Variants in KLHDC8A observed in about 807,000 individuals in gnomAD.
The protein encoded by KLHDC8A is kelch domain-containing protein 8A.
A neutral mutation model predicts 33.1 loss-of-function variants in KLHDC8A; 21 were observed. That is an observed-to-expected ratio of 0.64 (90% CI 0.45 to 0.91). The LOEUF (loss-of-function observed/expected upper bound fraction) is 0.91, where lower values mean the gene tolerates loss of function less well. Ranked by LOEUF, KLHDC8A falls within the 40% of genes least tolerant of loss-of-function variation. The pLI is 0.00. For missense variants in KLHDC8A, 435 were observed against 483.3 expected, an observed-to-expected ratio of 0.90 and a Z score of 0.94; for synonymous variants, 173 against 193.5, an observed-to-expected ratio of 0.89 and a Z score of 0.88.
chr1:205,353,628 C>T (rs188367801), intron 1 of KLHDC8A, among the ~76,000 whole-genome samples: 1 of 152,284 alleles, frequency 6.6e-6, no homozygotes, highest in African/African-American at 2.4e-5. Context: ...CTCCCGGGCC[C>T]AATCAATCCT....
rs1174668967 is a variant in KLHDC8A at position 205,337,427 on chromosome 1, A to G, written c.1025T>C (p.Val342Ala). 1.9e-6 allele frequency: 3 copies of G among 1,613,614 alleles called. No individual in the cohort carries two copies. Among genetic ancestry groups the G allele is most frequent in the Non-Finnish European group, 2.5e-6 (3 of 1,179,944 alleles). The change falls in exon 6 of 6, where the codon GTG (valine) becomes GCG (alanine). Residue 342 changes from valine (V) to alanine (A), a missense_variant. Physicochemically the swap from Val to Ala is moderately conservative, Grantham distance 64 (BLOSUM62 0). Coordinates refer to ENST00000367155, the MANE Select transcript of KLHDC8A (RefSeq NM_018203.3). ...GGAGTCAGAGACACACAGGGCCTCC[A>G]CTGCGTCACTCAGACCCTGGTTGAC... The part of the protein sequence containing the change: ...GGVNQGLSDA[V>A]EALCVSDS
At position 205,338,541 on chromosome 1, in the gene KLHDC8A, A is replaced by G. The variant is rs1662697708; in HGVS notation, c.813T>C (p.Phe271=). The change falls in exon 5 of 6, where the codon TTT becomes TTC. Residue 271 remains phenylalanine (F), a synonymous_variant. Transcript: ENST00000367155. ...SFFLKKRRAD[F]VAGSLSGRVI... ...CCCGTCCACTCAGAGAGCCAGCCAC[A>G]AAATCTGCCCGCCGCTTCTTGAGGA... is the stretch of plus-strand genomic sequence containing the variant. 3 of 1,614,192 alleles carry G rather than the reference A, an allele frequency of 1.9e-6. No homozygotes were observed. The highest frequency in any genetic ancestry group is 2.5e-6 in the Non-Finnish European group (3 of 1,180,022).
At chr1:205,345,465 C>T (rs1239132301) in intron 1 of KLHDC8A, among the ~76,000 whole-genome samples, 4 of 152,124 alleles carry the variant, frequency 2.6e-5, no homozygotes, top group African/African-American at 4.8e-5. Context: ...TGGCCGGGTG[C>T]GGTGGCTCAT....
intron 1 of KLHDC8A, among the ~76,000 whole-genome samples, chr1:205,346,339 G>A (rs533984989): frequency 2.0e-4 from 30 of 152,278 alleles, no homozygotes; most frequent in Admixed American, 6.5e-4. Flanking sequence ...ATCAGAACAG[G>A]TGATCGGGAA....
chr1:205,349,562 G>C (rs541122050), intron 1 of KLHDC8A, among the ~76,000 whole-genome samples: 2 of 152,200 alleles, frequency 1.3e-5, no homozygotes, highest in African/African-American at 2.4e-5. Context: ...GAAGCCACAC[G>C]CTCCTCTGCT....
chr1:205,339,765 A>G lies in KLHDC8A; in HGVS notation c.420T>C (p.Arg140=). The G allele has an allele frequency of 1.2e-6, 2 of 1,613,874 alleles. No homozygotes were observed. Among genetic ancestry groups the G allele is most frequent in the East Asian group, 2.2e-5 (1 of 44,864 alleles). The part of the protein sequence containing the change: ...YAAGGMGLDL[R]PHNHLQHYDM... Reference sequence around the variant, plus strand: ...CATAGTGTTGGAGGTGGTTGTGTGGACGTAGGTCCAGGCCCATCCCGCCTG... The same window carrying G: ...CATAGTGTTGGAGGTGGTTGTGTGGGCGTAGGTCCAGGCCCATCCCGCCTG... The change falls in exon 3 of 6, where the codon CGT becomes CGC. Residue 140 remains arginine, a synonymous_variant. Coordinates refer to ENST00000367155, the MANE Select transcript of KLHDC8A (RefSeq NM_018203.3). This position sits in a 1 kb window ranked among gnomAD's most constrained non-coding sequence, Gnocchi z 5.1.
At chr1:205,356,328 A>G (rs925714323) in intron 1 of KLHDC8A, among the ~76,000 whole-genome samples, 2 of 152,138 alleles carry the variant, frequency 1.3e-5, no homozygotes, top group Admixed American at 6.5e-5. Flanking sequence ...TTAAAACCAG[A>G]TGGGAAGGAA....
chr1:205,350,840 C>A (rs372481598), intron 1 of KLHDC8A, among the ~76,000 whole-genome samples: 3 of 47,036 alleles, frequency 6.4e-5, no homozygotes, highest in Non-Finnish European at 1.6e-4. Context: ...TGTGTGTGCG[C>A]GCACGCATGT....
chr1:205,347,039 T>A (rs1003126262), intron 1 of KLHDC8A, among the ~76,000 whole-genome samples: 2 of 152,208 alleles, frequency 1.3e-5, no homozygotes, highest in Admixed American at 1.3e-4. Flanking sequence ...AACAACAGGA[T>A]GTCTTCCAGA....
chr1:205,337,027 C>T lies in KLHDC8A; in HGVS notation c.*372G>A, dbSNP rs969830671. The T allele has an allele frequency of 8.2e-5, 19 of 231,208 alleles. No individual in the cohort carries two copies. The highest frequency in any genetic ancestry group is 1.5e-4 in the Non-Finnish European group (18 of 116,220). 14.3% of individuals were successfully genotyped at this position (231,208 alleles called of 1,614,324 possible). A position where few individuals can be genotyped will look rare whatever the true frequency, so the allele number is the denominator to read the frequency against. On this transcript the variant is annotated 3_prime_UTR_variant, in exon 6 of 6. Transcript: ENST00000367155. The stretch of plus-strand genomic sequence containing the variant: ...CTAGTTCAGAGCTGGGGAAAGACAG[C>T]AACAGCAGTCTATCCTCTCGGTCAG...
Position 205,337,344 on chromosome 1 carries a change from C to T in KLHDC8A, c.*55G>A. The T allele has an allele frequency of 2.8e-6, 4 of 1,405,242 alleles. No individual in the cohort carries two copies. The highest frequency in any genetic ancestry group is 4.0e-6 in the Non-Finnish European group (4 of 993,740). The allele number at this position is 1,405,242 out of a possible 1,614,324, so 87.0% of individuals were successfully genotyped here. On this transcript the variant is annotated 3_prime_UTR_variant, in exon 6 of 6. Coordinates refer to ENST00000367155, the MANE Select transcript of KLHDC8A (RefSeq NM_018203.3). ...CGACTGCTTGGACAAGATCATTCCT[C>T]ATGTTAAGAGTGAAGTGATATGGTC...
chr1:205,338,976 C>T (rs894590346), intron 4 of KLHDC8A, among the ~76,000 whole-genome samples: 1 of 152,160 alleles, frequency 6.6e-6, no homozygotes, highest in African/African-American at 2.4e-5. Flanking sequence ...AGAAAAGGGG[C>T]TTTGATAAAA....
intron 4 of KLHDC8A, among the ~76,000 whole-genome samples, 187 bp from the exon 5 acceptor site, chr1:205,338,783 T>A (rs1397252251): frequency 6.6e-6 from 1 of 152,082 alleles, no homozygotes; most frequent in Non-Finnish European, 1.5e-5. Flanking sequence ...CCCTCTCCCA[T>A]GCTTGCTGCT....
intron 2 of KLHDC8A, among the ~76,000 whole-genome samples, chr1:205,340,953 C>G (rs1026992717): frequency 5.3e-5 from 8 of 152,186 alleles, no homozygotes; most frequent in Non-Finnish European, 1.0e-4. Context: ...TCTTCCTTCA[C>G]AAATTGGGAA....
intron 1 of KLHDC8A, among the ~76,000 whole-genome samples, chr1:205,351,706 G>A (rs1283297511): frequency 1.3e-5 from 2 of 151,734 alleles, no homozygotes; most frequent in African/African-American, 2.4e-5. Context: ...ATCACCTGAG[G>A]TCGGGAGTTT....
At chr1:205,341,124 G>T (rs1187534975) in intron 2 of KLHDC8A, among the ~76,000 whole-genome samples, 2 of 152,088 alleles carry the variant, frequency 1.3e-5, no homozygotes, top group Non-Finnish European at 2.9e-5. Context: ...TACTACTCTT[G>T]ACTGTAGGTG....
chr1:205,337,211 C>G lies in KLHDC8A; in HGVS notation c.*188G>C, dbSNP rs2102275706. On this transcript the variant is annotated 3_prime_UTR_variant, in exon 6 of 6. Coordinates refer to ENST00000367155, the MANE Select transcript of KLHDC8A (RefSeq NM_018203.3). Reference sequence around the variant, plus strand: ...CTGGTGGAGTCATCTGTGCCTCTTACAGTTTTCTGAGATTGGTAGGATTTG... The same window carrying G: ...CTGGTGGAGTCATCTGTGCCTCTTAGAGTTTTCTGAGATTGGTAGGATTTG... 2 of 593,250 alleles carry G rather than the reference C, an allele frequency of 3.4e-6. No homozygotes were observed. Among genetic ancestry groups the G allele is most frequent in the East Asian group, 2.8e-5 (1 of 35,238 alleles). 36.7% of individuals were successfully genotyped at this position (593,250 alleles called of 1,614,324 possible). A position where few individuals can be genotyped will look rare whatever the true frequency, so the allele number is the denominator to read the frequency against.
intron 1 of KLHDC8A, chr1:205,351,601 T>G (rs1663107466): frequency 2.3e-5 from 6 of 258,322 alleles, no homozygotes; most frequent in East Asian, 9.0e-5. Context: ...TCTGTAATAG[T>G]CAAAAAAAAA....
chr1:205,348,043 G>A (rs1248384591), intron 1 of KLHDC8A, among the ~76,000 whole-genome samples: 2 of 152,118 alleles, frequency 1.3e-5, no homozygotes, highest in Admixed American at 6.5e-5. Flanking sequence ...ACCTTGACAG[G>A]CTCAGTAAGT....
Sources: gnomAD v4.1 joint callset for allele counts (sites outside exome capture counted in the v4.1 genomes callset) on GRCh38, gnomAD v4.1.1 for gene constraint, Gnocchi (gnomAD v3.1) non-coding constraint, MANE v1.5 for transcripts, NCBI Gene and HGNC (gene_info 2026-07-23, HGNC 2026-07-21) for gene names.